SLC44A5: variants seen among roughly 807,000 people sequenced by gnomAD.
SLC44A5 encodes choline transporter-like protein 5.
A neutral mutation model predicts 101.8 loss-of-function variants in SLC44A5; 57 were observed. The observed-to-expected ratio is 0.56, with a 90% confidence interval of 0.45 to 0.70. The LOEUF (loss-of-function observed/expected upper bound fraction) is 0.70, where lower values mean the gene tolerates loss of function less well. SLC44A5 is among the 30% of genes least tolerant of loss of function. The pLI is 0.00. For missense variants in SLC44A5, 737 were observed against 853.1 expected, an observed-to-expected ratio of 0.86 and a Z score of 1.70; for synonymous variants, 281 against 290.9, an observed-to-expected ratio of 0.97 and a Z score of 0.35.
intron 1 of SLC44A5, among the ~76,000 whole-genome samples, chr1:75,590,465 C>A (rs539021343): frequency 6.6e-6 from 1 of 152,296 alleles, no homozygotes; most frequent in Admixed American, 6.5e-5. Context: ...AGTACCAACA[C>A]TGCCACAGAG....
chr1:75,480,789 T>G (rs1182476726), intron 2 of SLC44A5, among the ~76,000 whole-genome samples: 2 of 152,110 alleles, frequency 1.3e-5, no homozygotes, highest in Non-Finnish European at 2.9e-5. Flanking sequence ...CCATGCTCAT[T>G]GGTAGAAAGA....
chr1:75,407,559 C>T (rs539331018), intron 2 of SLC44A5, among the ~76,000 whole-genome samples: 6 of 152,118 alleles, frequency 3.9e-5, no homozygotes, highest in Non-Finnish European at 7.4e-5. Context: ...TAATGCCACA[C>T]ATCTACAACC....
At chr1:75,331,846 C>T (rs1657083038) in intron 4 of SLC44A5, among the ~76,000 whole-genome samples, 1 of 152,152 alleles carries the variant, frequency 6.6e-6, no homozygotes, top group Non-Finnish European at 1.5e-5. Flanking sequence ...CAGACTCTGC[C>T]TGACTTACTC....
chr1:75,269,410 T>C (rs1651271167), intron 6 of SLC44A5, among the ~76,000 whole-genome samples: 1 of 152,094 alleles, frequency 6.6e-6, no homozygotes, highest in African/African-American at 2.4e-5. Context: ...GGTGTATTTA[T>C]GTGTTGAAAT....
chr1:75,471,325 C>G (rs1306516144), intron 2 of SLC44A5, among the ~76,000 whole-genome samples: 2 of 151,714 alleles, frequency 1.3e-5, no homozygotes, highest in Non-Finnish European at 1.5e-5. Flanking sequence ...GCCTTCCTTT[C>G]AACAAGGAAA....
intron 4 of SLC44A5, among the ~76,000 whole-genome samples, chr1:75,303,016 T>C (rs60081060): frequency 2.0e-5 from 3 of 152,200 alleles, no homozygotes; most frequent in East Asian, 3.8e-4. Context: ...TGACCTCGGA[T>C]AACTGAAACC....
At chr1:75,308,926 T>C (rs1036553832) in intron 4 of SLC44A5, among the ~76,000 whole-genome samples, 2 of 152,208 alleles carry the variant, frequency 1.3e-5, no homozygotes, top group African/African-American at 4.8e-5. Context: ...AGATTACTAT[T>C]TGTCACCTCA....
At chr1:75,705,049 A>G in the SLC44A5 span, among the ~76,000 whole-genome samples, 1 of 152,170 alleles carries the variant, frequency 6.6e-6, no homozygotes, top group Non-Finnish European at 1.5e-5. Context: ...AGATAATCAT[A>G]TGTCCCCCCA....
chr1:75,556,838 C>T (rs997219145), intron 1 of SLC44A5, among the ~76,000 whole-genome samples: 1 of 151,982 alleles, frequency 6.6e-6, no homozygotes, highest in Non-Finnish European at 1.5e-5. Context: ...ATGATCGCTG[C>T]TATATCTTCT....
At chr1:75,676,611 T>C in the SLC44A5 span, among the ~76,000 whole-genome samples, 1 of 152,118 alleles carries the variant, frequency 6.6e-6, no homozygotes, top group African/African-American at 2.4e-5. Context: ...TAACAGGAGA[T>C]AGATTGATAG....
At chr1:75,390,414 A>G (rs1661709093) in intron 3 of SLC44A5, among the ~76,000 whole-genome samples, 1 of 151,614 alleles carries the variant, frequency 6.6e-6, no homozygotes, top group Admixed American at 6.6e-5. Flanking sequence ...CCTTAACAAA[A>G]AAAAAAAAAA....
At chr1:75,655,576 C>A in the SLC44A5 span, among the ~76,000 whole-genome samples, 32 of 152,288 alleles carry the variant, frequency 2.1e-4, no homozygotes, top group African/African-American at 7.7e-4. Context: ...CAGCATGAAA[C>A]CAGCTTTGGC....
At chr1:75,271,607 G>A (rs1651485066) in intron 6 of SLC44A5, among the ~76,000 whole-genome samples, 1 of 151,392 alleles carries the variant, frequency 6.6e-6, no homozygotes, top group African/African-American at 2.4e-5. Flanking sequence ...TAGAATAATG[G>A]CTTCCAGCTC....
chr1:75,593,492 C>T lies in SLC44A5; in HGVS notation c.-70+17548G>A, dbSNP rs184187976. ...CAGCAATCCCACTGCTAGATATATA[C>T]CCAAAAGAAAGGAAATCAGTATATC... On this transcript the variant is annotated intron_variant, in intron 1 of 23. Transcript: ENST00000370859. 5.2e-4 allele frequency among the ~76,000 whole-genome samples: 79 copies of T among 152,188 alleles called. 1 individual carries two copies. The highest frequency in any genetic ancestry group is 3.4e-3 in the Admixed American group (52 of 15,290).
At chr1:75,318,377 A>C (rs989050202) in intron 4 of SLC44A5, among the ~76,000 whole-genome samples, 6 of 20,794 alleles carry the variant, frequency 2.9e-4, no homozygotes, top group Non-Finnish European at 8.4e-4. Flanking sequence ...TCTTGAAAGA[A>C]AGAAAGAAAG....
upstream of SLC44A5, chr1:75,616,027 G>T: frequency 2.7e-6 from 1 of 376,504 alleles, no homozygotes; most frequent in South Asian, 1.1e-4. Flanking sequence ...AGCGGCGGCC[G>T]GGCTGCGCGC....
At chr1:75,521,400 CACA>C (rs1670116527) in intron 2 of SLC44A5, among the ~76,000 whole-genome samples, 1 of 152,112 alleles carries the variant, frequency 6.6e-6, no homozygotes, top group Non-Finnish European at 1.5e-5. Flanking sequence ...TAAAAAAAAT[CACA>C]ACTTCTTCAG....
intron 2 of SLC44A5, among the ~76,000 whole-genome samples, chr1:75,472,782 C>T (rs1272796870): frequency 2.0e-5 from 3 of 152,102 alleles, no homozygotes; most frequent in Admixed American, 6.5e-5. Flanking sequence ...TCTGGCAACC[C>T]GAGTGTCCTC....
chr1:75,650,553 T>A, the SLC44A5 span, among the ~76,000 whole-genome samples: 1 of 152,236 alleles, frequency 6.6e-6, no homozygotes, highest in Non-Finnish European at 1.5e-5. Flanking sequence ...GGGTCCATGA[T>A]AAAAAATGTT....
Sources: allele counts gnomAD v4.1 joint callset (sites outside exome capture counted in the v4.1 genomes callset), GRCh38; gene constraint gnomAD v4.1.1; transcripts MANE v1.5; gene names NCBI Gene and HGNC (gene_info 2026-07-23, HGNC 2026-07-21).